Variants in LRCH3 observed in about 807,000 individuals in gnomAD.
LRCH3 encodes the protein DISP complex protein LRCH3.
A neutral mutation model predicts 104.5 loss-of-function variants in LRCH3; 68 were observed. The observed-to-expected ratio is 0.65, with a 90% CI of 0.54 to 0.80. The LOEUF (loss-of-function observed/expected upper bound fraction) is 0.80, where lower values mean the gene tolerates loss of function less well. Ranked by LOEUF, LRCH3 falls within the 30% of genes least tolerant of loss-of-function variation. LRCH3 has a pLI of 0.00. For missense variants in LRCH3, 951 were observed against 953.9 expected (o/e 1.00, Z 0.04); for synonymous variants, 344 against 361.3 (o/e 0.95, Z 0.54).
chr3:197,879,526 G>C (rs530905020), intron 20 of LRCH3, among the ~76,000 whole-genome samples: 2 of 151,618 alleles, frequency 1.3e-5, no homozygotes, highest in Admixed American at 6.6e-5. Flanking sequence ...GGCGCCTGTA[G>C]TCCCAGCTGC....
intron 5 of LRCH3, among the ~76,000 whole-genome samples, chr3:197,828,402 G>T (rs1400121867): frequency 6.6e-6 from 1 of 151,288 alleles, no homozygotes; most frequent in Non-Finnish European, 1.5e-5. Flanking sequence ...CTGGAGTGCA[G>T]TGGCGCGATC....
intron 5 of LRCH3, among the ~76,000 whole-genome samples, chr3:197,828,961 A>T (rs1735580591): frequency 6.6e-6 from 1 of 150,862 alleles, no homozygotes; most frequent in Non-Finnish European, 1.5e-5. Flanking sequence ...CACCCACCTC[A>T]GACTCCCAAA....
chr3:197,864,097 G>A (rs765810253), intron 15 of LRCH3, among the ~76,000 whole-genome samples: 2 of 151,628 alleles, frequency 1.3e-5, no homozygotes, highest in Non-Finnish European at 2.9e-5. Flanking sequence ...CCTGAGGGTC[G>A]GGAGTTTGAG....
chr3:197,848,068 C>T, intron 12 of LRCH3, 47 bp downstream of exon 12: 1 of 1,599,786 alleles, frequency 6.3e-7, no homozygotes, highest in South Asian at 1.1e-5. Context: ...TGGCTAAGTG[C>T]TTATTTGTTT....
chr3:197,854,423 CTGA>C lies in LRCH3; in HGVS notation c.1627_1629del (p.Asp543del), dbSNP rs1245721695. ...TTCCCATCCAGAAGGTCTCAGCACA[CTGA>C]TGATAGTGCCTTGTGCATGGTAAGA... On this transcript the variant is annotated inframe_deletion, in exon 14 of 21. Coordinates refer to ENST00000425562, the MANE Select transcript of LRCH3 (RefSeq NM_001365715.1). The surrounding 1 kb of genome is among the most constrained non-coding windows in gnomAD (Gnocchi z 4.5). The C allele has an allele frequency of 1.9e-6, 3 of 1,614,060 alleles. No homozygotes were observed. Among genetic ancestry groups the C allele is most frequent in the Middle Eastern group, 1.6e-4 (1 of 6,084 alleles).
In LRCH3 at chr3:197,810,978, T is replaced by C. The variant is rs1164673307; in HGVS notation, c.263-3930T>C. Among the ~76,000 whole-genome samples the C allele has an allele frequency of 6.6e-6, 1 of 152,148 alleles. No individual in the cohort carries two copies. The highest frequency in any genetic ancestry group is 2.4e-5 in the African/African-American group (1 of 41,442). Reference sequence around the variant, plus strand: ...AATAGCTAAAATGATTTTTATTGCATTATCTCAGTAAAATTTTCATGGGAA... The same window carrying C: ...AATAGCTAAAATGATTTTTATTGCACTATCTCAGTAAAATTTTCATGGGAA... On this transcript the variant is annotated intron_variant, in intron 1 of 20. Transcript: ENST00000425562. This position sits in a 1 kb window ranked among gnomAD's most constrained non-coding sequence, Gnocchi z 4.0.
chr3:197,841,257 T>C (rs1737759552), intron 10 of LRCH3, among the ~76,000 whole-genome samples: 4 of 152,158 alleles, frequency 2.6e-5, no homozygotes, highest in Admixed American at 1.3e-4. Context: ...TTTGATGCAG[T>C]TACCGGTCCC....
rs1737233129 is a variant in LRCH3 at position 197,838,430 on chromosome 3, G to GGAGGTAGATGCTA, written c.1252-891_1252-890insGAGGTAGATGCTA. ...GTTTCTAATGATGTGTGATATACCT[G>GGAGGTAGATGCTA]TTTCTTGGAGGTAGATGCTATTTCT... is the stretch of plus-strand genomic sequence containing the variant. On this transcript the variant is annotated intron_variant, in intron 9 of 20. Coordinates refer to ENST00000425562, the MANE Select transcript of LRCH3 (RefSeq NM_001365715.1). Among the ~76,000 whole-genome samples the GGAGGTAGATGCTA allele has an allele frequency of 2.0e-5, 3 of 151,664 alleles. 1 individual carries two copies. The highest frequency in any genetic ancestry group is 4.9e-5 in the African/African-American group (2 of 41,080).
chr3:197,850,752 C>T, intron 12 of LRCH3: 1 of 1,291,190 alleles, frequency 7.7e-7, no homozygotes. Flanking sequence ...CGCACACCTG[C>T]CAACTCCATC....
chr3:197,814,784 C>A, intron 1 of LRCH3, 124 bp from the exon 2 acceptor site: 1 of 737,142 alleles, frequency 1.4e-6, no homozygotes, highest in East Asian at 3.0e-5. Context: ...GCAGATATGC[C>A]TTAGAAGCTG....
At chr3:197,839,543 A>C in intron 10 of LRCH3, 146 bp downstream of exon 10, 1 of 517,400 alleles carries the variant, frequency 1.9e-6, no homozygotes, top group East Asian at 3.4e-5. Flanking sequence ...TTTTGTACTC[A>C]TGCCATAGAA....
chr3:197,864,477 G>A (rs1351182239), intron 15 of LRCH3, among the ~76,000 whole-genome samples: 1 of 148,682 alleles, frequency 6.7e-6, no homozygotes, highest in Non-Finnish European at 1.5e-5. Flanking sequence ...GGGTATGGTG[G>A]TGCATGCCTG....
At position 197,810,202 on chromosome 3, in the gene LRCH3, G is replaced by T. The variant is rs1198542078; in HGVS notation, c.263-4706G>T. ...TTTTGAGATGGAGTTTCACTCCCAGGTTGGAGTTCAGTGGCACGATCTTGG... is the reference window on the plus strand; with the variant it reads ...TTTTGAGATGGAGTTTCACTCCCAGTTTGGAGTTCAGTGGCACGATCTTGG... On this transcript the variant is annotated intron_variant, in intron 1 of 20. Transcript: ENST00000425562. This position sits in a 1 kb window ranked among gnomAD's most constrained non-coding sequence, Gnocchi z 4.0. 1.3e-5 allele frequency among the ~76,000 whole-genome samples: 2 copies of T among 152,112 alleles called. No individual in the cohort carries two copies. Among genetic ancestry groups the T allele is most frequent in the African/African-American group, 4.8e-5 (2 of 41,410 alleles).
rs140641054 is a variant in LRCH3 at position 197,852,567 on chromosome 3, G to A, written c.1537G>A (p.Ala513Thr). The change falls in exon 13 of 21, where the codon GCA (alanine) becomes ACA (threonine). Residue 513 changes from alanine (A) to threonine (T), a missense_variant. Coordinates refer to ENST00000425562, the MANE Select transcript of LRCH3 (RefSeq NM_001365715.1). ...DAVLDFVKQKASQSPQKQHPL... is the reference protein window; with the variant it reads ...DAVLDFVKQKTSQSPQKQHPL... Reference sequence around the variant, plus strand: ...GGGTTTTGGGATTATACAGCAAAAAGCATCACAAAGTCCACAAAAACAGCA... The same window carrying A: ...GGGTTTTGGGATTATACAGCAAAAAACATCACAAAGTCCACAAAAACAGCA... The A allele has an allele frequency of 1.9e-6, 3 of 1,613,984 alleles. No individual in the cohort carries two copies. The highest frequency in any genetic ancestry group is 2.5e-6 in the Non-Finnish European group (3 of 1,179,964).
intron 2 of LRCH3, among the ~76,000 whole-genome samples, chr3:197,815,608 G>C (rs1163324309): frequency 6.6e-6 from 1 of 152,208 alleles, no homozygotes; most frequent in Non-Finnish European, 1.5e-5. Flanking sequence ...CAGCAGTCTT[G>C]TAGCAGTGCT....
chr3:197,859,597 G>A (rs1403815124), intron 15 of LRCH3, among the ~76,000 whole-genome samples: 1 of 152,060 alleles, frequency 6.6e-6, no homozygotes, highest in African/African-American at 2.4e-5. Context: ...TTTTTTGAAG[G>A]CCTCTAGGAG....
At position 197,829,650 on chromosome 3, in the gene LRCH3, G is replaced by A. The variant is rs748910647; in HGVS notation, c.864G>A (p.Arg288=). The change falls in exon 6 of 21, where the codon AGG becomes AGA. Residue 288 remains arginine (R), a synonymous_variant. Transcript: ENST00000425562. Reference sequence around the variant, plus strand: ...CTCCAGATCTGCCGGATTATGATAGGAGACCGTTGGGTTTTGGCTCCTGGT... The same window carrying A: ...CTCCAGATCTGCCGGATTATGATAGAAGACCGTTGGGTTTTGGCTCCTGGT... The part of the protein sequence containing the change: ...KIAPDLPDYD[R]RPLGFGSCHE... The A allele has an allele frequency of 6.2e-6, 10 of 1,612,748 alleles. No individual in the cohort carries two copies. Among genetic ancestry groups the A allele is most frequent in the Non-Finnish European group, 8.5e-7 (1 of 1,179,616 alleles).
chr3:197,820,298 T>G, intron 3 of LRCH3, 27 bp from the exon 4 acceptor site: 1 of 1,487,288 alleles, frequency 6.7e-7, no homozygotes, highest in Non-Finnish European at 9.4e-7. Context: ...GTTAGGACAA[T>G]CTTTATTTTG....
chr3:197,825,700 C>T (rs184519066), intron 4 of LRCH3, among the ~76,000 whole-genome samples: 4 of 151,654 alleles, frequency 2.6e-5, no homozygotes, highest in East Asian at 1.9e-4. Context: ...AGGATGGTCT[C>T]GATCTCCTGA....
Sources: gnomAD v4.1 joint callset for allele counts (sites outside exome capture counted in the v4.1 genomes callset) on GRCh38, gnomAD v4.1.1 for gene constraint, Gnocchi (gnomAD v3.1) non-coding constraint, MANE v1.5 for transcripts, NCBI Gene and HGNC (gene_info 2026-07-23, HGNC 2026-07-21) for gene names.